The following PTPRD variants were observed in gnomAD, a reference collection of about 807,000 sequenced individuals.
The protein encoded by PTPRD is receptor-type tyrosine-protein phosphatase delta.
In PTPRD, 34 loss-of-function variants were observed where a neutral mutation model predicts 214.5. The ratio of observed to expected loss-of-function variants is 0.16; its 90% CI spans 0.12 to 0.21. The LOEUF is 0.21. Among genes scored for constraint, PTPRD ranks in the 10% least tolerant of loss-of-function variants. The pLI is 1.00. For missense variants in PTPRD, 2,545 were observed against 2,398.7 expected (o/e 1.06, Z -1.27); for synonymous variants, 1,128 against 845.7 (o/e 1.33, Z -5.79).
chr9:9,243,138 G>A (rs1028315190), intron 9 of PTPRD, among the ~76,000 whole-genome samples: 7 of 152,034 alleles, frequency 4.6e-5, no homozygotes, highest in South Asian at 2.1e-4. Context: ...TATCAGCAGC[G>A]GAGGCTGCAG....
chr9:8,493,949 T>G (rs2097201649), intron 26 of PTPRD, among the ~76,000 whole-genome samples: 1 of 151,646 alleles, frequency 6.6e-6, no homozygotes, highest in Non-Finnish European at 1.5e-5. Context: ...GAGCTGCATG[T>G]ACACATGCGC....
chr9:8,817,059 A>G (rs1293675953), intron 11 of PTPRD, among the ~76,000 whole-genome samples: 1 of 152,194 alleles, frequency 6.6e-6, no homozygotes, highest in Non-Finnish European at 1.5e-5. Flanking sequence ...TGATTAAAGA[A>G]TATTTTTCCT....
At chr9:9,941,641 T>C (rs1328802546) in intron 4 of PTPRD, among the ~76,000 whole-genome samples, 3 of 152,154 alleles carry the variant, frequency 2.0e-5, no homozygotes, top group Admixed American at 6.5e-5. Flanking sequence ...ATATCTATAA[T>C]AAATTTGTCA....
chr9:9,122,245 AAC>A (rs2099818290), intron 10 of PTPRD, among the ~76,000 whole-genome samples: 1 of 152,224 alleles, frequency 6.6e-6, no homozygotes, highest in South Asian at 2.1e-4. Flanking sequence ...TAAGAGAAGC[AAC>A]ACTTATTCAG....
rs917123441 is a variant in PTPRD, at chr9:10,017,865, C to T, written c.-472+15853G>A. 8.6e-4 allele frequency among the ~76,000 whole-genome samples: 131 copies of T among 151,908 alleles called. 1 individual carries two copies. The highest frequency in any genetic ancestry group is 3.0e-3 in the African/African-American group (125 of 41,428). On this transcript the variant is annotated intron_variant, in intron 4 of 45. Transcript: ENST00000381196. ...GAATGCCCTCATGTAAAATTGTAAC[C>T]AACACTCAAATGAAGATTAAAAACA...
intron 3 of PTPRD, among the ~76,000 whole-genome samples, chr9:10,071,850 T>TA (rs754225824): frequency 6.5e-4 from 99 of 152,128 alleles, no homozygotes; most frequent in Non-Finnish European, 1.2e-3. Context: ...ATGAGAATTA[T>TA]AAAATGAACA....
chr9:10,436,789 G>A (rs2098720966), intron 2 of PTPRD, among the ~76,000 whole-genome samples: 1 of 151,794 alleles, frequency 6.6e-6, no homozygotes, highest in East Asian at 1.9e-4. Context: ...CTGTCCACGA[G>A]CTTGTCAAAC....
chr9:9,252,076 A>T (rs935996781), intron 9 of PTPRD, among the ~76,000 whole-genome samples: 2 of 151,770 alleles, frequency 1.3e-5, no homozygotes, highest in African/African-American at 4.8e-5. Flanking sequence ...TTTGCCCAGG[A>T]TATTTAACAT....
chr9:8,622,898 G>A (rs779433646), intron 14 of PTPRD, among the ~76,000 whole-genome samples: 26 of 151,924 alleles, frequency 1.7e-4, no homozygotes, highest in Non-Finnish European at 3.2e-4. Context: ...CATGACTTTG[G>A]GAAAACGAGG....
chr9:9,184,342 C>A (rs1011018849), intron 9 of PTPRD, among the ~76,000 whole-genome samples: 5 of 152,064 alleles, frequency 3.3e-5, no homozygotes, highest in Non-Finnish European at 7.4e-5. Context: ...CTACATTCCT[C>A]ACCATGGAAC....
At chr9:10,211,774 A>G in intron 3 of PTPRD, among the ~76,000 whole-genome samples, 1 of 152,162 alleles carries the variant, frequency 6.6e-6, no homozygotes, top group Non-Finnish European at 1.5e-5. Context: ...AGAGCACAGA[A>G]TAATAGGCAT....
chr9:10,455,688 AC>A (rs780932175), intron 2 of PTPRD, among the ~76,000 whole-genome samples: 30 of 151,914 alleles, frequency 2.0e-4, no homozygotes, highest in Middle Eastern at 3.4e-3. Context: ...TTTGTTGAGA[AC>A]CAATACAATA....
At chr9:8,489,844 T>C (rs1248270900) in intron 27 of PTPRD, among the ~76,000 whole-genome samples, 2 of 152,136 alleles carry the variant, frequency 1.3e-5, no homozygotes, top group South Asian at 4.1e-4. Flanking sequence ...ACACTATAGG[T>C]ATCAAACATT....
At chr9:10,570,670 C>A (rs1396345103) in intron 2 of PTPRD, among the ~76,000 whole-genome samples, 1 of 152,034 alleles carries the variant, frequency 6.6e-6, no homozygotes, top group East Asian at 1.9e-4. Context: ...TAGTCAGGAC[C>A]ATCTACCCAT....
chr9:8,849,162 CA>C (rs997684190), intron 11 of PTPRD, among the ~76,000 whole-genome samples: 5 of 140,092 alleles, frequency 3.6e-5, no homozygotes, highest in Admixed American at 7.5e-5. Flanking sequence ...CTACTCAACT[CA>C]AAAAAAAATT....
chr9:10,210,454 T>A (rs992030008), intron 3 of PTPRD, among the ~76,000 whole-genome samples: 4 of 151,962 alleles, frequency 2.6e-5, no homozygotes, highest in Admixed American at 6.6e-5. Context: ...AGACACTGCA[T>A]TGACCACTTA....
chr9:9,063,427 G>A (rs1254037532), intron 10 of PTPRD, among the ~76,000 whole-genome samples: 1 of 152,138 alleles, frequency 6.6e-6, no homozygotes, highest in Non-Finnish European at 1.5e-5. Flanking sequence ...GCCCTCACAG[G>A]TGACTTAGGA....
intron 4 of PTPRD, among the ~76,000 whole-genome samples, chr9:9,973,802 T>G (rs897220940): frequency 6.6e-6 from 1 of 152,134 alleles, no homozygotes; most frequent in South Asian, 2.1e-4. Context: ...TATTTTTATT[T>G]GTATTTTATT....
intron 14 of PTPRD, among the ~76,000 whole-genome samples, chr9:8,566,882 G>A (rs796966251): frequency 8.6e-5 from 13 of 151,696 alleles, no homozygotes; most frequent in African/African-American, 3.1e-4. Context: ...CACTGCCTTG[G>A]GTAGATCTGG....
Sources: gnomAD v4.1 joint callset for allele counts (sites outside exome capture counted in the v4.1 genomes callset) on GRCh38, gnomAD v4.1.1 for gene constraint, MANE v1.5 for transcripts, NCBI Gene and HGNC (gene_info 2026-07-23, HGNC 2026-07-21) for gene names.